The following CACNA1C variants were observed in gnomAD, a reference collection of about 807,000 sequenced individuals.
CACNA1C encodes calcium voltage-gated channel subunit alpha1 C, also known as voltage-dependent L-type calcium channel subunit alpha-1C.
In CACNA1C, 30 loss-of-function variants were observed where a neutral mutation model predicts 229.0. That is an observed-to-expected ratio of 0.13 (90% CI 0.10 to 0.18). The LOEUF is 0.18. Among genes scored for constraint, CACNA1C ranks in the 10% least tolerant of loss-of-function variants. CACNA1C has a pLI of 1.00. For synonymous variants in CACNA1C, 1,114 were observed against 1,132.5 expected (o/e 0.98, Z 0.33); for missense variants, 1,658 against 2,845.0 (o/e 0.58, Z 9.49).
At chr12:2,009,066 C>T (rs992320959) in intron 1 of CACNA1C, among the ~76,000 whole-genome samples, 2 of 152,136 alleles carry the variant, frequency 1.3e-5, no homozygotes, top group Admixed American at 1.3e-4. Flanking sequence ...TGTTGGCGCC[C>T]AGAGTGCTGG....
At chr12:2,417,626 G>A (rs2098926757) in intron 3 of CACNA1C, among the ~76,000 whole-genome samples, 1 of 152,108 alleles carries the variant, frequency 6.6e-6, no homozygotes, top group African/African-American at 2.4e-5. Flanking sequence ...CAAGGGAGAG[G>A]TAATGATGCT....
chr12:2,319,166 G>A lies in CACNA1C; in HGVS notation c.478-129810G>A, dbSNP rs932855441. Among the ~76,000 whole-genome samples the A allele has an allele frequency of 6.6e-6, 1 of 152,042 alleles. No individual in the cohort carries two copies. The highest frequency in any genetic ancestry group is 2.4e-5 in the African/African-American group (1 of 41,374). On this transcript the variant is annotated intron_variant, in intron 3 of 46. Coordinates refer to ENST00000399655, the MANE Select transcript of CACNA1C (RefSeq NM_000719.7). The surrounding 1 kb of genome is among the most constrained non-coding windows in gnomAD (Gnocchi z 4.0). Reference sequence around the variant, plus strand: ...TGTCACCTGTCCTGGGCAGGCAGGGGTCCCCACATATCACTGCACCCTCGT... The same window carrying A: ...TGTCACCTGTCCTGGGCAGGCAGGGATCCCCACATATCACTGCACCCTCGT...
At chr12:2,115,849 GA>G (rs1204131029) in intron 2 of CACNA1C, among the ~76,000 whole-genome samples, 6 of 152,276 alleles carry the variant, frequency 3.9e-5, no homozygotes, top group Non-Finnish European at 8.8e-5. Flanking sequence ...ATCAGCCTAA[GA>G]AGTTATGAAA....
intron 8 of CACNA1C, among the ~76,000 whole-genome samples, chr12:2,508,463 G>A (rs984401025): frequency 1.3e-5 from 2 of 152,210 alleles, no homozygotes; most frequent in South Asian, 2.1e-4. Flanking sequence ...CAGCCTGGGC[G>A]ACATAGTGAG....
chr12:2,125,273 G>T (rs535900358), intron 3 of CACNA1C, among the ~76,000 whole-genome samples: 8 of 55,266 alleles, frequency 1.4e-4, no homozygotes, highest in African/African-American at 1.0e-3. Context: ...AAGAGGATTG[G>T]CCTGACTGAG....
intron 3 of CACNA1C, among the ~76,000 whole-genome samples, chr12:2,190,796 T>C (rs2097186677): frequency 1.3e-5 from 2 of 152,114 alleles, no homozygotes; most frequent in African/African-American, 2.4e-5. Context: ...CTTGGATTGG[T>C]GGGGTGGCAA....
Position 2,566,542 on chromosome 12 carries a change from T to C in CACNA1C, c.1629T>C (p.Ser543=). The C allele has an allele frequency of 6.3e-7, 1 of 1,599,244 alleles. No homozygotes were observed. The highest frequency in any genetic ancestry group is 8.5e-7 in the Non-Finnish European group (1 of 1,173,150). ...LVFLNTLTIA[S]EHYNQPNWLT... is the part of the protein sequence containing the mutation. ...TCCTCAACACGCTCACCATTGCCTC[T>C]GAGCACTACAACCAGCCCAACTGGC... is the stretch of plus-strand genomic sequence containing the variant. The change falls in exon 12 of 47, where the codon TCT becomes TCC. Residue 543 remains serine (S), a synonymous_variant. Coordinates refer to ENST00000399655, the MANE Select transcript of CACNA1C (RefSeq NM_000719.7). The surrounding 1 kb of genome is among the most constrained non-coding windows in gnomAD (Gnocchi z 4.0).
At chr12:2,577,693 T>C (rs2058935845) in intron 13 of CACNA1C, among the ~76,000 whole-genome samples, 2 of 152,214 alleles carry the variant, frequency 1.3e-5, no homozygotes, top group Non-Finnish European at 2.9e-5. Context: ...GAAGTACCAA[T>C]GTGTCATATG....
chr12:2,060,337 G>C (rs1052896149), intron 1 of CACNA1C, among the ~76,000 whole-genome samples: 1 of 152,136 alleles, frequency 6.6e-6, no homozygotes, highest in Non-Finnish European at 1.5e-5. Context: ...TGTGAGACAG[G>C]CTGCCACAGA....
intron 34 of CACNA1C, among the ~76,000 whole-genome samples, chr12:2,661,797 C>T (rs1202690756): frequency 1.3e-5 from 2 of 152,076 alleles, no homozygotes; most frequent in Non-Finnish European, 2.9e-5. Flanking sequence ...CCCTTTAGGA[C>T]AATAGAATTA....
intron 3 of CACNA1C, among the ~76,000 whole-genome samples, chr12:2,191,121 G>A (rs982811345): frequency 4.6e-5 from 7 of 152,174 alleles, no homozygotes; most frequent in Non-Finnish European, 8.8e-5. Flanking sequence ...TTCACCCTGG[G>A]GCGTCAGGAG....
intron 3 of CACNA1C, among the ~76,000 whole-genome samples, chr12:2,162,460 T>G (rs1566067454): frequency 6.6e-6 from 1 of 151,898 alleles, no homozygotes; most frequent in Non-Finnish European, 1.5e-5. Context: ...AGGGCAGTGG[T>G]CCATTTTTTC....
At chr12:2,648,061 C>T (rs1222016162) in intron 30 of CACNA1C, among the ~76,000 whole-genome samples, 1 of 152,014 alleles carries the variant, frequency 6.6e-6, no homozygotes, top group Non-Finnish European at 1.5e-5. Flanking sequence ...TCATTTGAGC[C>T]CAGGAGTTCA....
chr12:1,990,440 CTATT>C lies in CACNA1C; in HGVS notation c.139+19243_139+19246del, dbSNP rs565533092. On this transcript the variant is annotated intron_variant, in intron 1 of 46. Transcript: ENST00000682462. ...TATTTTGTGTTTGAATGAAGTTACTCTATTTATCAAGCATCTTTTTTTGGCTGAT... is the reference window on the plus strand; with the variant it reads ...TATTTTGTGTTTGAATGAAGTTACTCTATCAAGCATCTTTTTTTGGCTGAT... Among the ~76,000 whole-genome samples the C allele has an allele frequency of 1.4e-3, 216 of 152,278 alleles. 3 individuals are homozygous for C. The highest frequency in any genetic ancestry group is 2.5e-3 in the Admixed American group (39 of 15,300).
intron 38 of CACNA1C, among the ~76,000 whole-genome samples, chr12:2,673,900 C>A (rs746831502): frequency 2.6e-5 from 4 of 152,196 alleles, no homozygotes; most frequent in Non-Finnish European, 5.9e-5. Context: ...GCTTTGGCAG[C>A]ATGTGTACCC....
chr12:2,211,106 A>G (rs1204559082), intron 3 of CACNA1C, among the ~76,000 whole-genome samples: 1 of 152,206 alleles, frequency 6.6e-6, no homozygotes, highest in Non-Finnish European at 1.5e-5. Flanking sequence ...GGCCCTACTG[A>G]AAACCCAGGA....
chr12:2,138,546 A>G (rs1382591417), intron 3 of CACNA1C, among the ~76,000 whole-genome samples: 2 of 151,162 alleles, frequency 1.3e-5, no homozygotes, highest in Admixed American at 1.3e-4. Flanking sequence ...CACTTCTGCT[A>G]GACTGACCAG....
chr12:1,993,402 C>T (rs915132018), intron 1 of CACNA1C: 1 of 1,608,684 alleles, frequency 6.2e-7, no homozygotes, highest in Non-Finnish European at 8.5e-7. Context: ...CTAAAAATCA[C>T]AAGGAGTCAG....
rs112041316 is a variant in CACNA1C at position 2,493,464 on chromosome 12, C to T, written c.1113+78C>T. 2,644 of 1,096,542 alleles carry T rather than the reference C, an allele frequency of 2.4e-3. 27 individuals are homozygous for T. The African/African-American group carries it at 0.027, about 11-fold the overall frequency. The allele number at this position is 1,096,542 out of a possible 1,614,324, so 67.9% of individuals were successfully genotyped here. On this transcript the variant is annotated intron_variant, in intron 7 of 46. Coordinates refer to ENST00000399655, the MANE Select transcript of CACNA1C (RefSeq NM_000719.7). This position sits in a 1 kb window ranked among gnomAD's most constrained non-coding sequence, Gnocchi z 4.6. ...CTTCCCTGACACCTCCCTTTCTCCT[C>T]CTCCCCATGGTCTTGGGGTCACATA... is the stretch of plus-strand genomic sequence containing the variant.
Sources: gnomAD v4.1 joint callset for allele counts (sites outside exome capture counted in the v4.1 genomes callset) on GRCh38, gnomAD v4.1.1 for gene constraint, Gnocchi (gnomAD v3.1) non-coding constraint, MANE v1.5 for transcripts, NCBI Gene and HGNC (gene_info 2026-07-23, HGNC 2026-07-21) for gene names.